The following NSD1 variants were observed in gnomAD, a reference collection of about 807,000 sequenced individuals.
NSD1 encodes histone-lysine N-methyltransferase, H3 lysine-36 specific.
In NSD1, 26 loss-of-function variants were observed where a neutral mutation model predicts 242.7. The ratio of observed to expected loss-of-function variants is 0.11; its 90% CI spans 0.08 to 0.15. NSD1 has a LOEUF of 0.15. Among genes scored for constraint, NSD1 ranks in the 10% least tolerant of loss-of-function variants. The pLI, the probability that NSD1 is intolerant of heterozygous loss-of-function variation, is 1.00. For synonymous variants in NSD1, 1,106 were observed against 1,178.1 expected (o/e 0.94, Z 1.25); for missense variants, 2,495 against 3,272.8 (o/e 0.76, Z 5.80).
intron 4 of NSD1, among the ~76,000 whole-genome samples, chr5:177,207,189 C>T (rs1762942030): frequency 6.6e-6 from 1 of 152,076 alleles, no homozygotes; most frequent in Admixed American, 6.6e-5. Flanking sequence ...CCCCGCCATC[C>T]CCCCGACCTT....
chr5:177,241,885 A>G (rs1185726536), intron 8 of NSD1, among the ~76,000 whole-genome samples: 1 of 152,208 alleles, frequency 6.6e-6, no homozygotes, highest in Non-Finnish European at 1.5e-5. Context: ...ATTAATCAGT[A>G]TGTCAAACAG....
Position 177,211,391 on chromosome 5 carries a change from T to A in NSD1, c.2992T>A (p.Leu998Ile). Residue 998 changes from leucine (L) to isoleucine (I), a missense_variant, in exon 5 of 23, where the codon TTA (leucine) becomes ATA (isoleucine). By Grantham distance (5) the Leu-to-Ile change is conservative (BLOSUM62 2). This residue lies in a region of NSD1 where 426 missense variants were observed against 411.4 expected (regional missense o/e 1.04). Coordinates refer to ENST00000439151, the MANE Select transcript of NSD1 (RefSeq NM_022455.5). ...CGAGTTGTCTGCTTCCCTACCTGGC[T>A]TACTGTCCGACAAGAGAGACCTCCC... Reference protein sequence around the residue: ...SGELSASLPGLLSDKRDLPAS... With the variant: ...SGELSASLPGILSDKRDLPAS... The A allele has an allele frequency of 6.2e-7, 1 of 1,614,152 alleles. No individual in the cohort carries two copies. Among genetic ancestry groups the A allele is most frequent in the Non-Finnish European group, 8.5e-7 (1 of 1,180,036 alleles).
chr5:177,146,316 C>G (rs1179851576), intron 2 of NSD1, among the ~76,000 whole-genome samples: 2 of 146,154 alleles, frequency 1.4e-5, no homozygotes, highest in African/African-American at 2.7e-5. Context: ...AGCAATTCTC[C>G]TGCCTCAGCC....
At chr5:177,165,379 G>A (rs754709821) in intron 2 of NSD1, among the ~76,000 whole-genome samples, 9 of 152,094 alleles carry the variant, frequency 5.9e-5, no homozygotes, top group Non-Finnish European at 1.0e-4. Flanking sequence ...ATGTTGGCCC[G>A]ATTGGTCTCG....
At chr5:177,149,872 C>T (rs926419338) in intron 2 of NSD1, among the ~76,000 whole-genome samples, 1 of 152,088 alleles carries the variant, frequency 6.6e-6, no homozygotes, top group Non-Finnish European at 1.5e-5. Context: ...GTGGCCTGGG[C>T]GTTGGGGACC....
At chr5:177,287,568 G>A (rs28628134) in intron 20 of NSD1, among the ~76,000 whole-genome samples, 131,433 of 152,242 alleles carry the variant, frequency 0.86, 57,260 homozygotes, top group African/African-American at 0.92. Flanking sequence ...CCCAGGAGGC[G>A]GAGGCTGCAG....
intron 17 of NSD1, among the ~76,000 whole-genome samples, chr5:177,279,863 TGCCTCG>T (rs1758715967): frequency 6.6e-6 from 1 of 151,190 alleles, no homozygotes; most frequent in Admixed American, 6.6e-5. Context: ...GTGATCCACC[TGCCTCG>T]GCCTCCCAAA....
chr5:177,151,659 G>A (rs563564805), intron 2 of NSD1, among the ~76,000 whole-genome samples: 7 of 151,394 alleles, frequency 4.6e-5, no homozygotes, highest in Non-Finnish European at 1.0e-4. Context: ...AAAGTGCTGG[G>A]ATTACAGGCA....
chr5:177,185,109 C>T (rs1760994796), intron 2 of NSD1, among the ~76,000 whole-genome samples: 1 of 152,100 alleles, frequency 6.6e-6, no homozygotes, highest in Non-Finnish European at 1.5e-5. Flanking sequence ...AGCATTAGTA[C>T]TTCCCCCACT....
rs372572346 is a variant in NSD1 at position 177,194,602 on chromosome 5, T to TAAA, written c.1063+2586_1063+2588dup. 3.6e-3 allele frequency among the ~76,000 whole-genome samples: 493 copies of TAAA among 135,312 alleles called. 3 individuals carry two copies. Among genetic ancestry groups the TAAA allele is most frequent in the African/African-American group, 0.014 (441 of 31,828 alleles). 88.8% of individuals were successfully genotyped at this position (135,312 alleles called of 152,430 possible). ...CTCTTTTTTTTTTTTTTTTTTTTTT[T>TAAA]AAAAAGGATGATTTCTCCAAAGTAG... is the stretch of plus-strand genomic sequence containing the variant. On this transcript the variant is annotated intron_variant, in intron 3 of 22. Coordinates refer to ENST00000439151, the MANE Select transcript of NSD1 (RefSeq NM_022455.5).
At chr5:177,155,773 G>T (rs1758079560) in intron 2 of NSD1, among the ~76,000 whole-genome samples, 1 of 151,876 alleles carries the variant, frequency 6.6e-6, no homozygotes, top group African/African-American at 2.4e-5. Flanking sequence ...TGCAACCTCT[G>T]CCTCCTGGGT....
intron 10 of NSD1, among the ~76,000 whole-genome samples, chr5:177,247,214 G>A (rs1766369597): frequency 6.6e-6 from 1 of 152,204 alleles, no homozygotes. Flanking sequence ...AAGATAACTT[G>A]AGGTTGAGAG....
In NSD1 at chr5:177,211,754, C is replaced by A. The variant is rs727504054; in HGVS notation, c.3355C>A (p.Pro1119Thr). ...CGATAGCAAGGTTAAGCAATCTGAT[C>A]CTGGTAAAATTTCTGAAAAAGGACT... ...HFDSKVKQSDPGKISEKGLSF... is the reference protein window; with the variant it reads ...HFDSKVKQSDTGKISEKGLSF... The change falls in exon 5 of 23, where the codon CCT (proline) becomes ACT (threonine). Residue 1119 changes from proline (P) to threonine (T), a missense_variant. By Grantham distance (38) the Pro-to-Thr change is conservative. Coordinates refer to ENST00000439151, the MANE Select transcript of NSD1 (RefSeq NM_022455.5). The A allele has an allele frequency of 4.3e-6, 7 of 1,613,858 alleles. No homozygotes were observed. In the South Asian group the frequency reaches 7.7e-5, roughly 18 times the overall value.
intron 5 of NSD1, among the ~76,000 whole-genome samples, chr5:177,212,768 TC>T (rs1445240033): frequency 6.6e-6 from 1 of 152,000 alleles, no homozygotes; most frequent in East Asian, 1.9e-4. Context: ...GATGGTAGTT[TC>T]TTTTTTTTTT....
chr5:177,166,955 A>G (rs899913202), intron 2 of NSD1, among the ~76,000 whole-genome samples: 1 of 151,704 alleles, frequency 6.6e-6, no homozygotes, highest in Non-Finnish European at 1.5e-5. Flanking sequence ...CATTTTGGCC[A>G]GGGTGGTCTT....
intron 2 of NSD1, among the ~76,000 whole-genome samples, chr5:177,182,355 C>G (rs1341585893): frequency 1.3e-5 from 2 of 152,136 alleles, no homozygotes; most frequent in African/African-American, 4.8e-5. Flanking sequence ...GAAATTGCCA[C>G]AGCCATTCTG....
intron 2 of NSD1, among the ~76,000 whole-genome samples, chr5:177,146,650 A>G (rs762394221): frequency 3.9e-5 from 6 of 151,998 alleles, no homozygotes; most frequent in African/African-American, 1.2e-4. Context: ...CATTGTGTGT[A>G]TATTAAGTTC....
intron 20 of NSD1, 43 bp downstream of exon 20, chr5:177,283,971 AG>A (rs780010035): frequency 6.2e-7 from 1 of 1,612,436 alleles, no homozygotes; most frequent in Admixed American, 1.7e-5. Context: ...TCTGAATTTC[AG>A]GGCTTTTGTT....
Position 177,294,385 on chromosome 5 carries a change from A to G in NSD1, c.7017A>G (p.Pro2339=). 3 of 1,614,174 alleles carry G rather than the reference A, an allele frequency of 1.9e-6. No individual in the cohort carries two copies. The highest frequency in any genetic ancestry group is 1.7e-6 in the Non-Finnish European group (2 of 1,180,010). The change falls in exon 23 of 23, where the codon CCA becomes CCG. Residue 2339 remains proline, a synonymous_variant. Coordinates refer to ENST00000439151, the MANE Select transcript of NSD1 (RefSeq NM_022455.5). The stretch of plus-strand genomic sequence containing the variant: ...ACAAACCCTCTCCAGTGACCAGCCC[A>G]AGCTCCTCACCCTCAGTCAGGTCCC... ...LSDKPSPVTS[P]SSSPSVRSQP... is the part of the protein sequence containing the mutation.
Sources: gnomAD v4.1 joint callset for allele counts (sites outside exome capture counted in the v4.1 genomes callset) on GRCh38, gnomAD v4.1.1 for gene constraint, gnomAD v4.1.1 regional missense constraint, MANE v1.5 for transcripts, NCBI Gene and HGNC (gene_info 2026-07-23, HGNC 2026-07-21) for gene names.